The following SVIL variants were observed in gnomAD, a reference collection of about 807,000 sequenced individuals.
SVIL encodes archvillin.
Under a neutral mutation model 240.4 loss-of-function variants are expected in SVIL, and 101 were observed. That is an observed-to-expected ratio of 0.42 (90% CI 0.36 to 0.50). The LOEUF (loss-of-function observed/expected upper bound fraction) is 0.50, where lower values mean the gene tolerates loss of function less well. SVIL is among the 20% of genes least tolerant of loss of function. SVIL has a pLI of 0.01. For missense variants in SVIL, 2,512 were observed against 2,818.7 expected (o/e 0.89, Z 2.46); for synonymous variants, 999 against 1,100.0 (o/e 0.91, Z 1.82).
At chr10:29,518,009 T>C (rs1365998342) in intron 16 of SVIL, among the ~76,000 whole-genome samples, 1 of 152,190 alleles carries the variant, frequency 6.6e-6, no homozygotes, top group Non-Finnish European at 1.5e-5. Flanking sequence ...ATTTTACTAA[T>C]CCGGTGGGAA....
Position 29,533,186 on chromosome 10 carries a change from A to G in SVIL, c.1181T>C (p.Val394Ala), listed in dbSNP as rs1252688717. 1 of 1,613,988 alleles carries G rather than the reference A, an allele frequency of 6.2e-7. No individual in the cohort carries two copies. The highest frequency in any genetic ancestry group is 8.5e-7 in the Non-Finnish European group (1 of 1,180,000). ...TPENASECSW[V>A]ASATQNVPKP... Reference sequence around the variant, plus strand: ...GGGGACATTCTGGGTGGCTGATGCTACCCAGCTACACTCAGATGCATTTTC... The same window carrying G: ...GGGGACATTCTGGGTGGCTGATGCTGCCCAGCTACACTCAGATGCATTTTC... Residue 394 changes from valine (V) to alanine (A), a missense_variant, in exon 8 of 38, where the codon GTA becomes GCA. Transcript: ENST00000355867.
chr10:29,466,383 A>G (rs1227367926), intron 33 of SVIL, among the ~76,000 whole-genome samples: 1 of 152,156 alleles, frequency 6.6e-6, no homozygotes, highest in African/African-American at 2.4e-5. Context: ...GGAAAAAATA[A>G]TATGCTGAAT....
chr10:29,577,723 T>C (rs1392965648), intron 1 of SVIL, among the ~76,000 whole-genome samples: 1 of 152,238 alleles, frequency 6.6e-6, no homozygotes, highest in Non-Finnish European at 1.5e-5. Flanking sequence ...CTGGATTAAA[T>C]GGTAGTTCTA....
intron 29 of SVIL, among the ~76,000 whole-genome samples, chr10:29,478,371 T>A (rs1168337947): frequency 6.6e-6 from 1 of 152,234 alleles, no homozygotes; most frequent in African/African-American, 2.4e-5. Flanking sequence ...TGATGAGTAT[T>A]TCCTGCACCT....
chr10:29,494,832 T>A, intron 20 of SVIL, 82 bp downstream of exon 20: 1 of 1,418,072 alleles, frequency 7.1e-7, no homozygotes, highest in South Asian at 1.3e-5. Flanking sequence ...CAAAACTTCT[T>A]TTTTTTGGCT....
intron 3 of SVIL, chr10:29,643,955 G>T (rs754347509): frequency 1.9e-6 from 1 of 517,386 alleles, no homozygotes; most frequent in South Asian, 1.4e-5. Flanking sequence ...TGGCTCCAGA[G>T]ACCCAGCCTC....
chr10:29,463,564 T>C lies in SVIL; in HGVS notation c.6205A>G (p.Thr2069Ala), dbSNP rs1217339252. 48 of 1,614,154 alleles carry C rather than the reference T, an allele frequency of 3.0e-5. No homozygotes were observed. The highest frequency in any genetic ancestry group is 4.0e-5 in the Non-Finnish European group (47 of 1,180,006). The change falls in exon 35 of 38, where the codon ACT becomes GCT. Residue 2069 changes from threonine (T) to alanine (A), a missense_variant. Transcript: ENST00000355867. ...QGWWPIENKI[T>A]GSARIRWASD... ...GCCCAGCGGATGCGGGCGGAACCAG[T>C]GATCTTGTTCTCGATGGGCCACCAG...
intron 16 of SVIL, among the ~76,000 whole-genome samples, chr10:29,521,968 A>G (rs1950586065): frequency 6.6e-6 from 1 of 152,154 alleles, no homozygotes; most frequent in South Asian, 2.1e-4. Context: ...CTCTATGTAA[A>G]TTTATCTTCA....
chr10:29,644,509 C>T (rs1280189344), intron 3 of SVIL, among the ~76,000 whole-genome samples: 1 of 152,230 alleles, frequency 6.6e-6, no homozygotes, highest in South Asian at 2.1e-4. Flanking sequence ...TGGCTATGCA[C>T]TCGGCCAACC....
intron 2 of SVIL, among the ~76,000 whole-genome samples, chr10:29,685,698 G>A (rs1053130269): frequency 6.6e-6 from 1 of 152,132 alleles, no homozygotes; most frequent in South Asian, 2.1e-4. Flanking sequence ...TTACATGCTT[G>A]TTGGCCACGT....
intron 1 of SVIL, among the ~76,000 whole-genome samples, chr10:29,572,763 C>CAAAAAAAAAAAAAAAAAAAAAAAAAAAA (rs375180538): frequency 4.9e-5 from 4 of 81,310 alleles, no homozygotes; most frequent in Non-Finnish European, 9.3e-5. Context: ...GATCCTATCT[C>CAAAAAAAAAAAAAAAAAAAAAAAAAAAA]AAAAAAAAAA....
At chr10:29,576,882 G>A (rs1955719977) in intron 1 of SVIL, among the ~76,000 whole-genome samples, 1 of 151,888 alleles carries the variant, frequency 6.6e-6, no homozygotes, top group Admixed American at 6.6e-5. Flanking sequence ...CAATGCAAAT[G>A]ATTTTTTTTT....
At chr10:29,559,446 T>C (rs752305284) in intron 3 of SVIL, among the ~76,000 whole-genome samples, 7 of 152,206 alleles carry the variant, frequency 4.6e-5, no homozygotes, top group Non-Finnish European at 1.0e-4. Flanking sequence ...TGTGTATTTC[T>C]TAACAAAAAA....
At chr10:29,554,651 TG>T (rs1953732667) in intron 5 of SVIL, 131 bp downstream of exon 5, 1 of 1,191,204 alleles carries the variant, frequency 8.4e-7, no homozygotes, top group Non-Finnish European at 1.1e-6. Flanking sequence ...TGAAACCTTG[TG>T]CTAAAAAAAT....
chr10:29,608,280 C>T (rs750826274), intron 1 of SVIL, among the ~76,000 whole-genome samples: 2 of 152,258 alleles, frequency 1.3e-5, no homozygotes, highest in Non-Finnish European at 2.9e-5. Flanking sequence ...CTGGTTGAGA[C>T]ACCAGGCTTA....
intron 6 of SVIL, among the ~76,000 whole-genome samples, chr10:29,549,964 T>C (rs1423981994): frequency 2.3e-5 from 3 of 132,806 alleles, no homozygotes; most frequent in Non-Finnish European, 4.6e-5. Flanking sequence ...ATGGCACATG[T>C]ATACATATGT....
intron 1 of SVIL, among the ~76,000 whole-genome samples, chr10:29,701,628 AT>A (rs1213587456): frequency 6.6e-6 from 1 of 152,190 alleles, no homozygotes; most frequent in Non-Finnish European, 1.5e-5. Flanking sequence ...TCCAGTTACC[AT>A]TTTCTATTAA....
At chr10:29,493,149 T>C in intron 21 of SVIL, 65 bp downstream of exon 21, 1 of 1,530,114 alleles carries the variant, frequency 6.5e-7, no homozygotes. Context: ...GCCTCATGGA[T>C]GTGCCCTCTG....
intron 1 of SVIL, among the ~76,000 whole-genome samples, chr10:29,622,796 C>G (rs1288895260): frequency 6.6e-6 from 1 of 152,204 alleles, no homozygotes; most frequent in Non-Finnish European, 1.5e-5. Context: ...CCCTAGTTCC[C>G]CAAACCACTC....
Sources: gnomAD v4.1 joint callset for allele counts (sites outside exome capture counted in the v4.1 genomes callset) on GRCh38, gnomAD v4.1.1 for gene constraint, MANE v1.5 for transcripts, NCBI Gene and HGNC (gene_info 2026-07-23, HGNC 2026-07-21) for gene names.